Variants in GRID2 observed in about 807,000 individuals in gnomAD.
GRID2 encodes glutamate ionotropic receptor delta type subunit 2, also known as glutamate receptor ionotropic, delta-2.
In GRID2, 33 loss-of-function variants were observed where a neutral mutation model predicts 114.8. That is an observed-to-expected ratio of 0.29 (90% CI 0.22 to 0.38). The LOEUF is 0.38. Ranked by LOEUF, GRID2 falls within the 10% of genes least tolerant of loss-of-function variation. The pLI is 1.00. For missense variants in GRID2, 1,184 were observed against 1,257.7 expected (o/e 0.94, Z 0.89); for synonymous variants, 505 against 449.9 (o/e 1.12, Z -1.55).
At chr4:92,564,376 A>C (rs1279199070) in intron 1 of GRID2, among the ~76,000 whole-genome samples, 1 of 152,022 alleles carries the variant, frequency 6.6e-6, no homozygotes, top group Non-Finnish European at 1.5e-5. Flanking sequence ...CTGAGGGATA[A>C]AATTTTAATG....
At chr4:93,702,080 T>C (rs985623044) in intron 14 of GRID2, among the ~76,000 whole-genome samples, 7 of 152,140 alleles carry the variant, frequency 4.6e-5, no homozygotes, top group Non-Finnish European at 1.0e-4. Context: ...GATGCTTGAT[T>C]AGACTTTTAT....
intron 11 of GRID2, among the ~76,000 whole-genome samples, chr4:93,467,403 G>A (rs1580167743): frequency 6.6e-6 from 1 of 152,122 alleles, no homozygotes; most frequent in Non-Finnish European, 1.5e-5. Context: ...TAAGAAGTCT[G>A]TATTTTATAT....
chr4:93,261,126 C>T (rs1715914323), intron 8 of GRID2, among the ~76,000 whole-genome samples: 2 of 151,650 alleles, frequency 1.3e-5, no homozygotes, highest in Admixed American at 1.3e-4. Context: ...AACTTTAGTT[C>T]AACTAAAAGT....
chr4:92,485,834 C>T (rs1278530806), intron 1 of GRID2, among the ~76,000 whole-genome samples: 1 of 151,960 alleles, frequency 6.6e-6, no homozygotes, highest in Non-Finnish European at 1.5e-5. Context: ...GTATGTCTGA[C>T]ATAAAATTTT....
chr4:93,726,933 A>G (rs1729963492), intron 14 of GRID2, among the ~76,000 whole-genome samples: 1 of 152,264 alleles, frequency 6.6e-6, no homozygotes, highest in Non-Finnish European at 1.5e-5. Flanking sequence ...ATCTGCAAAC[A>G]GGGACAATTT....
chr4:92,951,807 A>G (rs936390239), intron 2 of GRID2, among the ~76,000 whole-genome samples: 3 of 152,188 alleles, frequency 2.0e-5, no homozygotes, highest in East Asian at 3.9e-4. Flanking sequence ...TTGAAATTAT[A>G]TATGCATTGT....
chr4:92,995,235 G>A (rs1755128868), intron 2 of GRID2, among the ~76,000 whole-genome samples: 1 of 152,002 alleles, frequency 6.6e-6, no homozygotes, highest in South Asian at 2.1e-4. Flanking sequence ...CCTCACAAGT[G>A]GATACATCTC....
At chr4:92,467,669 C>T (rs957267874) in intron 1 of GRID2, among the ~76,000 whole-genome samples, 1 of 151,980 alleles carries the variant, frequency 6.6e-6, no homozygotes, top group African/African-American at 2.4e-5. Flanking sequence ...GGAAAAGCAT[C>T]TCTTCTCTTA....
chr4:92,927,139 A>G (rs1749869317), intron 2 of GRID2, among the ~76,000 whole-genome samples: 1 of 151,930 alleles, frequency 6.6e-6, no homozygotes, highest in Non-Finnish European at 1.5e-5. Context: ...ATATAGTCCA[A>G]GTTGATTATA....
intron 8 of GRID2, among the ~76,000 whole-genome samples, chr4:93,301,019 G>C (rs113789082): frequency 1.3e-5 from 2 of 152,152 alleles, no homozygotes; most frequent in Non-Finnish European, 2.9e-5. Flanking sequence ...GCAGGCCCAG[G>C]CCTGTTTTCG....
intron 1 of GRID2, among the ~76,000 whole-genome samples, chr4:92,533,924 T>C (rs959776434): frequency 6.6e-6 from 1 of 152,004 alleles, no homozygotes; most frequent in Non-Finnish European, 1.5e-5. Flanking sequence ...TTCTATAGAT[T>C]AAAAAGGAAT....
At chr4:92,572,427 A>T (rs369696660) in intron 1 of GRID2, among the ~76,000 whole-genome samples, 2 of 152,058 alleles carry the variant, frequency 1.3e-5, no homozygotes, top group Non-Finnish European at 2.9e-5. Context: ...CAGGACCAGA[A>T]GGATTCACAG....
intron 1 of GRID2, among the ~76,000 whole-genome samples, chr4:92,548,362 A>G (rs1414159940): frequency 1.4e-5 from 2 of 142,776 alleles, no homozygotes; most frequent in Non-Finnish European, 3.0e-5. Flanking sequence ...GTATTAGTCC[A>G]TTCTCAAACT....
At chr4:92,959,342 T>C (rs1023212829) in intron 2 of GRID2, among the ~76,000 whole-genome samples, 3 of 152,078 alleles carry the variant, frequency 2.0e-5, no homozygotes, top group African/African-American at 7.2e-5. Flanking sequence ...AATATCCCTG[T>C]AAGCACTGCT....
chr4:92,535,590 T>A (rs181253665), intron 1 of GRID2, among the ~76,000 whole-genome samples: 2 of 152,260 alleles, frequency 1.3e-5, no homozygotes, highest in East Asian at 3.9e-4. Context: ...CAGCAATTAT[T>A]GTCACATGCA....
Position 93,769,466 on chromosome 4 carries a change from A to G in GRID2, c.2601+16A>G. 1 of 1,612,620 alleles carries G rather than the reference A, an allele frequency of 6.2e-7. No individual in the cohort carries two copies. The highest frequency in any genetic ancestry group is 8.5e-7 in the Non-Finnish European group (1 of 1,179,366). On this transcript the variant is annotated intron_variant, in intron 15 of 15. Coordinates refer to ENST00000282020, the MANE Select transcript of GRID2 (RefSeq NM_001510.4). ...ATCAAAAGAGGTACTTGATTGAGAG[A>G]TTTGGCTCTAAATTGAATCAACAAG...
intron 3 of GRID2, among the ~76,000 whole-genome samples, chr4:93,100,925 A>G (rs1222655976): frequency 2.0e-5 from 3 of 152,060 alleles, no homozygotes; most frequent in Non-Finnish European, 4.4e-5. Context: ...AATTTTGTTA[A>G]ATTGCAACTG....
At chr4:92,535,787 A>T (rs1159085078) in intron 1 of GRID2, among the ~76,000 whole-genome samples, 1 of 152,178 alleles carries the variant, frequency 6.6e-6, no homozygotes, top group African/African-American at 2.4e-5. Context: ...GGTGAGTGTT[A>T]CAGTTCTTAA....
chr4:92,563,984 A>T (rs1727221438), intron 1 of GRID2, among the ~76,000 whole-genome samples: 1 of 152,008 alleles, frequency 6.6e-6, no homozygotes, highest in Non-Finnish European at 1.5e-5. Context: ...TCAAGGTTCT[A>T]CTTAAACTAT....
Sources: allele counts gnomAD v4.1 joint callset (sites outside exome capture counted in the v4.1 genomes callset), GRCh38; gene constraint gnomAD v4.1.1; transcripts MANE v1.5; gene names NCBI Gene and HGNC (gene_info 2026-07-23, HGNC 2026-07-21).